ENOX1: variants seen among roughly 807,000 people sequenced by gnomAD.
The protein encoded by ENOX1 is ecto-NOX disulfide-thiol exchanger 1.
Under a neutral mutation model 82.5 loss-of-function variants are expected in ENOX1, and 42 were observed. That is an observed-to-expected ratio of 0.51 (90% confidence interval 0.40 to 0.66). The LOEUF is 0.66. ENOX1 is among the 30% of genes least tolerant of loss of function. The probability of loss-of-function intolerance (pLI) is 0.00; values close to 1 mark genes in which losing one functional copy is unlikely to be tolerated. For synonymous variants in ENOX1, 271 were observed against 282.2 expected, an observed-to-expected ratio of 0.96 and a Z score of 0.40; for missense variants, 608 against 811.6, an observed-to-expected ratio of 0.75 and a Z score of 3.05.
At chr13:43,565,999 T>G (rs537354941) in intron 2 of ENOX1, among the ~76,000 whole-genome samples, 1 of 152,302 alleles carries the variant, frequency 6.6e-6, no homozygotes, top group East Asian at 1.9e-4. Flanking sequence ...TTCTTGATCC[T>G]CGTAATCACC....
chr13:43,650,479 G>A (rs966024470), intron 2 of ENOX1, among the ~76,000 whole-genome samples: 1 of 152,076 alleles, frequency 6.6e-6, no homozygotes, highest in African/African-American at 2.4e-5. Context: ...GCCAGTAGGG[G>A]GAATTGAGGG....
intron 1 of ENOX1, among the ~76,000 whole-genome samples, chr13:43,699,671 TTG>T (rs1274558724): frequency 6.6e-6 from 1 of 152,218 alleles, no homozygotes; most frequent in African/African-American, 2.4e-5. Context: ...TATTTAGGGC[TTG>T]AAGTATATAT....
chr13:43,298,582 A>C, intron 11 of ENOX1, 52 bp from the exon 12 acceptor site: 3 of 1,513,202 alleles, frequency 2.0e-6, no homozygotes, highest in Non-Finnish European at 2.7e-6. Context: ...GCTTAGCTTG[A>C]GGAGGCCTTC....
chr13:43,746,664 T>C (rs544248239), intron 1 of ENOX1, among the ~76,000 whole-genome samples: 53 of 152,028 alleles, frequency 3.5e-4, no homozygotes, highest in Non-Finnish European at 6.6e-4. Context: ...AACAGGGAAT[T>C]TTTGAAAGAG....
intron 2 of ENOX1, among the ~76,000 whole-genome samples, chr13:43,571,338 T>C (rs188419798): frequency 6.6e-6 from 1 of 152,170 alleles, no homozygotes; most frequent in Admixed American, 6.6e-5. Context: ...CTCAACTAGA[T>C]GTGAACTCAA....
At chr13:43,470,188 G>GTGTGTATATATATA (rs1228151064) in intron 3 of ENOX1, among the ~76,000 whole-genome samples, 2 of 144,430 alleles carry the variant, frequency 1.4e-5, no homozygotes, top group African/African-American at 2.6e-5. Flanking sequence ...CTATATGTGT[G>GTGTGTATATATATA]TGTGTATATA....
At chr13:43,481,061 T>C (rs1039895223) in intron 3 of ENOX1, among the ~76,000 whole-genome samples, 1 of 152,150 alleles carries the variant, frequency 6.6e-6, no homozygotes, top group Non-Finnish European at 1.5e-5. Flanking sequence ...CCAATATCCC[T>C]GATGAATGTA....
At chr13:43,725,938 G>C (rs187542351) in intron 1 of ENOX1, among the ~76,000 whole-genome samples, 3 of 151,800 alleles carry the variant, frequency 2.0e-5, no homozygotes, top group African/African-American at 7.2e-5. Flanking sequence ...CTGCACTCCA[G>C]CCTGGACAAC....
At chr13:43,627,209 G>A (rs1378590901) in intron 2 of ENOX1, among the ~76,000 whole-genome samples, 2 of 151,864 alleles carry the variant, frequency 1.3e-5, no homozygotes, top group Non-Finnish European at 2.9e-5. Context: ...CATACAGTTG[G>A]TTCATGTTTT....
intron 2 of ENOX1, among the ~76,000 whole-genome samples, chr13:43,506,475 C>G (rs1311804920): frequency 5.4e-4 from 72 of 132,516 alleles, no homozygotes; most frequent in Non-Finnish European, 7.4e-4. Context: ...ACCCAGCCAT[C>G]CCATTACTGG....
chr13:43,441,370 T>C (rs1213904163), intron 3 of ENOX1, among the ~76,000 whole-genome samples: 1 of 152,204 alleles, frequency 6.6e-6, no homozygotes. Flanking sequence ...ACAAGGGCTG[T>C]ATGTTTTTAT....
chr13:43,270,278 T>C (rs750278331), intron 12 of ENOX1, among the ~76,000 whole-genome samples: 6 of 152,070 alleles, frequency 3.9e-5, no homozygotes, highest in Admixed American at 1.3e-4. Context: ...TGGGACATGG[T>C]GATATGTTAA....
At chr13:43,463,518 T>C (rs2057581511) in intron 3 of ENOX1, among the ~76,000 whole-genome samples, 1 of 152,160 alleles carries the variant, frequency 6.6e-6, no homozygotes, top group Admixed American at 6.5e-5. Flanking sequence ...AGCATCACCT[T>C]GGAATGGCTA....
rs377519578 is a variant in ENOX1, at chr13:43,648,349, T to C, written c.-219+19130A>G. On this transcript the variant is annotated intron_variant, in intron 2 of 16. Transcript: ENST00000690772. Reference sequence around the variant, plus strand: ...ACAACAGTGAACCAGAGAGCCATGGTCAGCTTCTGCAACCACGCAGCTTAC... The same window carrying C: ...ACAACAGTGAACCAGAGAGCCATGGCCAGCTTCTGCAACCACGCAGCTTAC... Among the ~76,000 whole-genome samples, 33 of 152,320 alleles carry C rather than the reference T, an allele frequency of 2.2e-4. No homozygotes were observed. The East Asian group carries it at 5.6e-3, about 26-fold the overall frequency.
chr13:43,256,606 T>C (rs2043761509), intron 14 of ENOX1, among the ~76,000 whole-genome samples: 1 of 152,084 alleles, frequency 6.6e-6, no homozygotes, highest in Non-Finnish European at 1.5e-5. Flanking sequence ...AAAACCACAG[T>C]GAGATGTCAT....
chr13:43,460,692 G>A (rs2057429898), intron 3 of ENOX1, among the ~76,000 whole-genome samples: 2 of 151,636 alleles, frequency 1.3e-5, no homozygotes, highest in Non-Finnish European at 2.9e-5. Flanking sequence ...TACTCGGGAG[G>A]CTGAGGCAGG....
At chr13:43,635,358 C>T (rs1033437385) in intron 2 of ENOX1, among the ~76,000 whole-genome samples, 1 of 152,114 alleles carries the variant, frequency 6.6e-6, no homozygotes, top group Non-Finnish European at 1.5e-5. Context: ...CAAAATTATC[C>T]TTTCTACTGA....
At chr13:43,637,116 T>C (rs2083442801) in intron 2 of ENOX1, among the ~76,000 whole-genome samples, 1 of 152,164 alleles carries the variant, frequency 6.6e-6, no homozygotes, top group Admixed American at 6.5e-5. Context: ...GGACCTAATT[T>C]TATGGAGAAA....
chr13:43,625,088 G>A (rs1198062180), intron 2 of ENOX1, among the ~76,000 whole-genome samples: 2 of 151,930 alleles, frequency 1.3e-5, no homozygotes, highest in East Asian at 1.9e-4. Context: ...TCTTATACAT[G>A]TTTTGTTATA....
Sources: allele counts gnomAD v4.1 joint callset (sites outside exome capture counted in the v4.1 genomes callset), GRCh38; gene constraint gnomAD v4.1.1; transcripts MANE v1.5; gene names NCBI Gene and HGNC (gene_info 2026-07-23, HGNC 2026-07-21).